The following DLGAP2 variants were observed in gnomAD, a reference collection of about 807,000 sequenced individuals.
DLGAP2 encodes the protein DLG associated protein 2.
A neutral mutation model predicts 100.3 loss-of-function variants in DLGAP2; 26 were observed. That is an observed-to-expected ratio of 0.26 (90% confidence interval 0.19 to 0.36). The LOEUF (loss-of-function observed/expected upper bound fraction) is 0.36, where lower values mean the gene tolerates loss of function less well. Ranked by LOEUF, DLGAP2 falls within the 10% of genes least tolerant of loss-of-function variation. The pLI, the probability that DLGAP2 is intolerant of heterozygous loss-of-function variation, is 1.00. For missense variants in DLGAP2, 1,858 were observed against 1,453.2 expected (o/e 1.28, Z -4.53); for synonymous variants, 886 against 630.1 (o/e 1.41, Z -6.08).
At chr8:1,657,742 T>C (rs1337262207) in intron 8 of DLGAP2, among the ~76,000 whole-genome samples, 3 of 152,252 alleles carry the variant, frequency 2.0e-5, no homozygotes, top group Admixed American at 6.5e-5. Context: ...AAAATCATTT[T>C]ATGTACTGCA....
chr8:985,978 G>A (rs1800475601), intron 2 of DLGAP2, among the ~76,000 whole-genome samples: 2 of 152,194 alleles, frequency 1.3e-5, no homozygotes, highest in African/African-American at 4.8e-5. Flanking sequence ...GCTCATTAGA[G>A]GGGAGTATGA....
chr8:855,157 C>T (rs115087225), intron 1 of DLGAP2, among the ~76,000 whole-genome samples: 2,193 of 152,222 alleles, frequency 0.014, 47 homozygotes, highest in African/African-American at 0.05. Context: ...CAGTTGAAAA[C>T]GTGGGCACGA....
In DLGAP2 at chr8:1,307,259, T is replaced by C. The variant is rs558853450; in HGVS notation, c.106+48376T>C. Among the ~76,000 whole-genome samples the C allele has an allele frequency of 2.0e-5, 3 of 152,178 alleles. No homozygotes were observed. The East Asian group carries it at 5.8e-4, about 29-fold the overall frequency. On this transcript the variant is annotated intron_variant, in intron 3 of 14. Transcript: ENST00000637795. ...TCCAAGAAGATTCACAAATGACCAA[T>C]AAGCACAGCAACATCATTAATTATT...
intron 2 of DLGAP2, among the ~76,000 whole-genome samples, chr8:1,041,375 G>A (rs960657348): frequency 2.6e-5 from 4 of 152,194 alleles, no homozygotes; most frequent in South Asian, 2.1e-4. Flanking sequence ...CGAGGCATCC[G>A]TGTCGACATC....
At chr8:1,474,577 C>T (rs1159159519) in intron 3 of DLGAP2, among the ~76,000 whole-genome samples, 1 of 152,070 alleles carries the variant, frequency 6.6e-6, no homozygotes, top group Non-Finnish European at 1.5e-5. Context: ...TGAGTAGGCA[C>T]CTCTCAAAAG....
At chr8:927,420 C>T (rs577084824) in intron 2 of DLGAP2, among the ~76,000 whole-genome samples, 12 of 152,118 alleles carry the variant, frequency 7.9e-5, no homozygotes, top group Admixed American at 2.0e-4. Context: ...TGAGCATACG[C>T]GGCACACACC....
chr8:1,630,641 G>T (rs1229680553), intron 7 of DLGAP2, among the ~76,000 whole-genome samples: 1 of 151,804 alleles, frequency 6.6e-6, no homozygotes, highest in Non-Finnish European at 1.5e-5. Context: ...GGTGGAGCTT[G>T]CAGTGAGCCG....
chr8:1,137,477 C>T (rs1008135745), intron 2 of DLGAP2: 5 of 152,454 alleles, frequency 3.3e-5, no homozygotes, highest in Non-Finnish European at 7.3e-5. Flanking sequence ...GTCTGAGCCT[C>T]ACCTGAAGCC....
At chr8:1,508,785 T>C (rs945199230) in intron 4 of DLGAP2, among the ~76,000 whole-genome samples, 10 of 150,814 alleles carry the variant, frequency 6.6e-5, no homozygotes, top group African/African-American at 2.4e-4. Flanking sequence ...AGCAGGCAAA[T>C]GAGTGCGGAC....
At chr8:1,683,954 G>GTATATATATATATATATATATATATA (rs59220880) in intron 12 of DLGAP2, among the ~76,000 whole-genome samples, 1 of 74,754 alleles carries the variant, frequency 1.3e-5, no homozygotes, top group Non-Finnish European at 2.3e-5. Context: ...ATATATGTGT[G>GTATATATATATATATATATATATATA]TATATATATA....
chr8:1,422,561 T>TAAA (rs372845289), intron 3 of DLGAP2, among the ~76,000 whole-genome samples: 7 of 136,362 alleles, frequency 5.1e-5, no homozygotes, highest in Non-Finnish European at 6.2e-5. Context: ...TCTTTGACAT[T>TAAA]AAAAAAAAAA....
intron 3 of DLGAP2, among the ~76,000 whole-genome samples, chr8:1,305,028 C>G (rs992417221): frequency 1.3e-5 from 2 of 152,274 alleles, no homozygotes; most frequent in African/African-American, 4.8e-5. Context: ...ATGGTTTCCA[C>G]CATTGCAGTG....
In DLGAP2 at chr8:1,549,452, C is replaced by T; in HGVS notation, c.999C>T (p.Ser333=). Reference sequence around the variant, plus strand: ...ACTGCTACCCCGACGCGCTGCAGAGCCCCTTCGGGGACCTGTCCCTCAAGA... The same window carrying T: ...ACTGCTACCCCGACGCGCTGCAGAGTCCCTTCGGGGACCTGTCCCTCAAGA... ...VAHCYPDALQ[S]PFGDLSLKTS... The change falls in exon 5 of 15, where the codon AGC becomes AGT. Residue 333 remains serine (S), a synonymous_variant. Transcript: ENST00000637795. The T allele has an allele frequency of 1.2e-6, 2 of 1,613,472 alleles. No individual in the cohort carries two copies. The highest frequency in any genetic ancestry group is 1.7e-6 in the Non-Finnish European group (2 of 1,179,776).
chr8:1,274,091 G>C (rs924301021), intron 3 of DLGAP2, among the ~76,000 whole-genome samples: 3 of 151,700 alleles, frequency 2.0e-5, no homozygotes, highest in East Asian at 1.9e-4. Context: ...TCAGCATATC[G>C]GAATTTGCAA....
chr8:1,332,278 G>A (rs1801174900), intron 3 of DLGAP2, among the ~76,000 whole-genome samples: 1 of 152,164 alleles, frequency 6.6e-6, no homozygotes, highest in Admixed American at 6.5e-5. Flanking sequence ...ATATACATCT[G>A]TGTACACATA....
At chr8:1,561,148 T>C (rs1286133488) in intron 5 of DLGAP2, among the ~76,000 whole-genome samples, 1 of 152,172 alleles carries the variant, frequency 6.6e-6, no homozygotes, top group Non-Finnish European at 1.5e-5. Context: ...CTCTCTTGCC[T>C]GCCACCATGT....
chr8:1,076,852 G>A (rs1186804505), intron 2 of DLGAP2, among the ~76,000 whole-genome samples: 1 of 147,948 alleles, frequency 6.8e-6, no homozygotes. Context: ...GGGAGGAGGA[G>A]TCTGTCCTGG....
At chr8:1,364,178 A>C (rs952920067) in intron 3 of DLGAP2, among the ~76,000 whole-genome samples, 1 of 152,136 alleles carries the variant, frequency 6.6e-6, no homozygotes, top group African/African-American at 2.4e-5. Flanking sequence ...TGTTGCATCG[A>C]GGAGCCCTGT....
At chr8:860,491 C>T (rs903371611) in intron 1 of DLGAP2, among the ~76,000 whole-genome samples, 7 of 152,140 alleles carry the variant, frequency 4.6e-5, no homozygotes, top group South Asian at 4.1e-4. Context: ...CAAATGACTT[C>T]GCTGGGGCCG....
Sources: gnomAD v4.1 joint callset for allele counts (sites outside exome capture counted in the v4.1 genomes callset) on GRCh38, gnomAD v4.1.1 for gene constraint, MANE v1.5 for transcripts, NCBI Gene and HGNC (gene_info 2026-07-23, HGNC 2026-07-21) for gene names.